The following GDA variants were observed in gnomAD, a reference collection of about 807,000 sequenced individuals.
GDA encodes cytoplasmic PSD-95 interactor.
In GDA, 18 loss-of-function variants were observed where a neutral mutation model predicts 59.6. That is an observed-to-expected ratio of 0.30 (90% CI 0.21 to 0.45). The LOEUF is 0.45. Ranked by LOEUF, GDA falls within the 20% of genes least tolerant of loss-of-function variation. The probability of loss-of-function intolerance (pLI) is 1.00; values close to 1 mark genes in which losing one functional copy is unlikely to be tolerated. For synonymous variants in GDA, 201 were observed against 201.1 expected, an observed-to-expected ratio of 1.00 and a Z score of 0.00; for missense variants, 427 against 552.3, an observed-to-expected ratio of 0.77 and a Z score of 2.27.
At chr9:72,167,220 G>T (rs1414475461) in intron 1 of GDA, among the ~76,000 whole-genome samples, 3 of 152,084 alleles carry the variant, frequency 2.0e-5, no homozygotes, top group African/African-American at 7.2e-5. Context: ...GAAATGCCAG[G>T]CCTCTCATTC....
intron 6 of GDA, among the ~76,000 whole-genome samples, chr9:72,222,134 CA>C (rs1403205610): frequency 2.6e-5 from 4 of 152,234 alleles, no homozygotes; most frequent in African/African-American, 9.6e-5. Context: ...AGAATCACCA[CA>C]TTGTCTTTCA....
At chr9:72,191,988 G>T (rs1832610432) in intron 1 of GDA, among the ~76,000 whole-genome samples, 1 of 152,024 alleles carries the variant, frequency 6.6e-6, no homozygotes, top group Non-Finnish European at 1.5e-5. Flanking sequence ...TCGATTAAGT[G>T]TGCTTGGTAT....
In GDA at chr9:72,241,264, A is replaced by C. The variant is rs758900694; in HGVS notation, c.1101A>C (p.Glu367Asp). The change falls in exon 11 of 14, where the codon GAA becomes GAC. Residue 367 changes from glutamate to aspartate, a missense_variant. Coordinates refer to ENST00000358399, the MANE Select transcript of GDA (RefSeq NM_004293.5). ...ATGAGAAAAGCCTCACCCTCAAAGA[A>C]GTCTTCAGACTAGCTACTCTTGGAG... ...KVNEKSLTLK[E>D]VFRLATLGGS... 5 of 1,607,774 alleles carry C rather than the reference A, an allele frequency of 3.1e-6. No homozygotes were observed. The highest frequency in any genetic ancestry group is 1.1e-5 in the South Asian group (1 of 90,358).
chr9:72,202,774 G>C (rs761091832), intron 3 of GDA, 32 bp downstream of exon 3: 4 of 1,519,434 alleles, frequency 2.6e-6, no homozygotes, highest in African/African-American at 2.7e-5. Flanking sequence ...GTGGTATTCT[G>C]TTTGGTCATC....
intron 1 of GDA, among the ~76,000 whole-genome samples, chr9:72,159,860 T>A (rs1022992696): frequency 4.6e-5 from 7 of 152,254 alleles, no homozygotes; most frequent in African/African-American, 1.7e-4. Context: ...CAATTTATTT[T>A]ATTTTAAAAT....
chr9:72,250,037 G>GT lies in GDA; in HGVS notation c.*1696dup, dbSNP rs1840533983. The GT allele has an allele frequency of 1.0e-6, 1 of 969,822 alleles. No individual in the cohort carries two copies. Among genetic ancestry groups the GT allele is most frequent in the Admixed American group, 6.2e-5 (1 of 16,214 alleles). The allele number at this position is 969,822 out of a possible 1,614,324, so 60.1% of individuals were successfully genotyped here. Reference sequence around the variant, plus strand: ...TTTGTTTTGTGAGATAAGTATCTTAGTAAACCCAATTTCCAGTCTTAGTCT... The same window carrying GT: ...TTTGTTTTGTGAGATAAGTATCTTAGTTAAACCCAATTTCCAGTCTTAGTCT... On this transcript the variant is annotated 3_prime_UTR_variant, in exon 14 of 14. Coordinates refer to ENST00000358399, the MANE Select transcript of GDA (RefSeq NM_004293.5).
In GDA at chr9:72,149,445, A is replaced by G. The variant is rs1826860800; in HGVS notation, c.-115A>G. On this transcript the variant is annotated 5_prime_UTR_variant, in exon 1 of 14. Coordinates refer to ENST00000358399, the MANE Select transcript of GDA (RefSeq NM_004293.5). ...CCGCCCGGGTAAGCGGGGGCAGGAC[A>G]AGGCCGGAGCCTGTGTCCGCCCGGC... is the stretch of plus-strand genomic sequence containing the variant. 1 of 1,295,970 alleles carries G rather than the reference A, an allele frequency of 7.7e-7. No homozygotes were observed. Among genetic ancestry groups the G allele is most frequent in the African/African-American group, 1.5e-5 (1 of 65,476 alleles). The allele number at this position is 1,295,970 out of a possible 1,614,324, so 80.3% of individuals were successfully genotyped here.
At chr9:72,243,364 A>G (rs1385327646) in intron 11 of GDA, among the ~76,000 whole-genome samples, 1 of 152,230 alleles carries the variant, frequency 6.6e-6, no homozygotes, top group Non-Finnish European at 1.5e-5. Context: ...GTTGGTTTAT[A>G]TATACCATCA....
In GDA at chr9:72,251,960, T is replaced by C. The variant is rs1840729547; in HGVS notation, c.*3618T>C. On this transcript the variant is annotated 3_prime_UTR_variant, in exon 14 of 14. Transcript: ENST00000358399. ...GTCCACAGGGTTCAAATGACTTGGG[T>C]AACAGAAGTTATTCTTAGCTTACCT... The C allele has an allele frequency of 6.6e-6, 1 of 152,318 alleles. No homozygotes were observed. Among genetic ancestry groups the C allele is most frequent in the East Asian group, 1.9e-4 (1 of 5,186 alleles). The allele number at this position is 152,318 out of a possible 1,614,324, so 9.4% of individuals were successfully genotyped here.
rs999603417 is a variant in GDA, at chr9:72,227,990, A to G, written c.870A>G (p.Val290=). The part of the protein sequence containing the change: ...GCYLSAEELN[V]FHERGASIAH... ...ACCTCTCTGCAGAAGAACTGAACGT[A>G]TTCCATGAACGAGGAGCATCCATCG... The change falls in exon 9 of 14, where the codon GTA becomes GTG. Residue 290 remains valine (V), a synonymous_variant. Transcript: ENST00000358399. The G allele has an allele frequency of 1.6e-5, 26 of 1,609,616 alleles. No individual in the cohort carries two copies. The highest frequency in any genetic ancestry group is 1.8e-5 in the Non-Finnish European group (21 of 1,176,410).
intron 1 of GDA, among the ~76,000 whole-genome samples, chr9:72,124,859 C>T (rs367836536): frequency 7.2e-5 from 11 of 152,076 alleles, no homozygotes; most frequent in East Asian, 5.8e-4. Context: ...CCACCCGCCT[C>T]GGCCTCCCAA....
Position 72,116,215 on chromosome 9 carries a change from C to A in GDA, c.-100+1382C>A, listed in dbSNP as rs1587282318. The stretch of plus-strand genomic sequence containing the variant: ...TGCCATTGCACTCCAGCCTGGGCAA[C>A]AAGAATGAAACTGTCTCAAAAAAAA... On this transcript the variant is annotated intron_variant, in intron 1 of 13. Coordinates refer to the GDA transcript ENST00000545168. Among the ~76,000 whole-genome samples, 2 of 146,178 alleles carry A rather than the reference C, an allele frequency of 1.4e-5. 1 individual carries two copies. The highest frequency in any genetic ancestry group is 1.4e-4 in the Admixed American group (2 of 14,122).
intron 1 of GDA, among the ~76,000 whole-genome samples, chr9:72,150,291 CCTCT>C (rs959537447): frequency 8.6e-5 from 13 of 151,374 alleles, no homozygotes; most frequent in African/African-American, 2.4e-4. Context: ...TCTTTTCCTT[CCTCT>C]CTCTCTCTTA....
chr9:72,178,866 G>A (rs931721331), intron 1 of GDA, among the ~76,000 whole-genome samples: 2 of 152,082 alleles, frequency 1.3e-5, no homozygotes, highest in Admixed American at 1.3e-4. Context: ...TTTAGCTTGT[G>A]GCTGTATTTT....
intron 1 of GDA, among the ~76,000 whole-genome samples, chr9:72,153,106 G>T (rs1176032475): frequency 1.3e-5 from 2 of 151,994 alleles, no homozygotes; most frequent in African/African-American, 2.4e-5. Flanking sequence ...GTTGTAGATA[G>T]GCGGCATTAT....
At chr9:72,142,815 C>A (rs1245974790) in intron 1 of GDA, among the ~76,000 whole-genome samples, 1 of 152,026 alleles carries the variant, frequency 6.6e-6, no homozygotes, top group Admixed American at 6.6e-5. Flanking sequence ...GTTGCCCAGG[C>A]TGGAGTGCAA....
At chr9:72,116,272 C>A (rs1378003473) in intron 1 of GDA, among the ~76,000 whole-genome samples, 1 of 151,796 alleles carries the variant, frequency 6.6e-6, no homozygotes, top group East Asian at 1.9e-4. Flanking sequence ...TTATTTTGTT[C>A]TGTGTTTCCT....
At chr9:72,175,017 G>A (rs376674141) in intron 1 of GDA, among the ~76,000 whole-genome samples, 186 of 152,256 alleles carry the variant, frequency 1.2e-3, no homozygotes, top group African/African-American at 4.3e-3. Flanking sequence ...AGAGAGCAAA[G>A]GCAGAGGGAG....
At chr9:72,202,868 A>G (rs755554741) in intron 3 of GDA, 126 bp downstream of exon 3, 1 of 719,290 alleles carries the variant, frequency 1.4e-6, no homozygotes, top group Non-Finnish European at 2.3e-6. Context: ...AGAATTTTTA[A>G]GTTTCTTTTT....
Sources: allele counts gnomAD v4.1 joint callset (sites outside exome capture counted in the v4.1 genomes callset), GRCh38; gene constraint gnomAD v4.1.1; transcripts MANE v1.5; gene names NCBI Gene and HGNC (gene_info 2026-07-23, HGNC 2026-07-21).